FBXO47: variants seen among roughly 807,000 people sequenced by gnomAD.
The protein encoded by FBXO47 is F-box only protein 47.
FBXO47 carries 34 observed loss-of-function variants against 53.9 expected under a neutral mutation model. That is an observed-to-expected ratio of 0.63 (90% CI 0.48 to 0.84). The LOEUF (loss-of-function observed/expected upper bound fraction) is 0.84. FBXO47 is among the 40% of genes least tolerant of loss of function. The pLI, the probability that FBXO47 is intolerant of heterozygous loss-of-function variation, is 0.00. For synonymous variants in FBXO47, 165 were observed against 181.6 expected, an observed-to-expected ratio of 0.91 and a Z score of 0.73; for missense variants, 485 against 541.3, an observed-to-expected ratio of 0.90 and a Z score of 1.03.
At chr17:38,948,748 ATATTTATT>A (rs746519643) in intron 6 of FBXO47, among the ~76,000 whole-genome samples, 2 of 151,898 alleles carry the variant, frequency 1.3e-5, no homozygotes, top group Non-Finnish European at 2.9e-5. Context: ...CATCACCTAG[ATATTTATT>A]TATTTATTTT....
At chr17:38,941,620 T>TTATATATA (rs3040090) in intron 9 of FBXO47, among the ~76,000 whole-genome samples, 6,251 of 114,898 alleles carry the variant, frequency 0.054, 225 homozygotes, top group Middle Eastern at 0.1. Context: ...AAATATAATA[T>TTATATATA]TATATATATA....
At chr17:38,955,353 A>G (rs991672873) in intron 4 of FBXO47, among the ~76,000 whole-genome samples, 1 of 148,478 alleles carries the variant, frequency 6.7e-6, no homozygotes, top group East Asian at 2.0e-4. Context: ...GTGCCATGGC[A>G]CTCCAGCCTG....
In FBXO47 at chr17:38,959,052, G is replaced by A. The variant is rs1905689491; in HGVS notation, c.353-1799C>T. On this transcript the variant is annotated intron_variant, in intron 3 of 10. Transcript: ENST00000378079. ...TGAGTATCTGGGACTACAGGCATGTGTGACTGCATCCAGCCTTATTTTGGT... is the reference window on the plus strand; with the variant it reads ...TGAGTATCTGGGACTACAGGCATGTATGACTGCATCCAGCCTTATTTTGGT... Among the ~76,000 whole-genome samples, 5 of 151,822 alleles carry A rather than the reference G, an allele frequency of 3.3e-5. No individual in the cohort carries two copies. The South Asian group carries it at 1.0e-3, about 32-fold the overall frequency.
In FBXO47 at chr17:38,937,302, A is replaced by G; in HGVS notation, c.1244-12T>C. ...TTCATCACGGTCTCCTATATGCCAT[A>G]CATAGTGGGGAAAAGAAAATGACAG... is the stretch of plus-strand genomic sequence containing the variant. On this transcript the variant is annotated splice_polypyrimidine_tract_variant and intron_variant, in intron 10 of 10. Transcript: ENST00000378079. 1 of 1,179,804 alleles carries G rather than the reference A, an allele frequency of 8.5e-7. No individual in the cohort carries two copies. Among genetic ancestry groups the G allele is most frequent in the Non-Finnish European group, 1.2e-6 (1 of 819,680 alleles). 73.1% of individuals were successfully genotyped at this position (1,179,804 alleles called of 1,614,324 possible).
At position 38,961,806 on chromosome 17, in the gene FBXO47, G is replaced by C. The variant is rs1414718262; in HGVS notation, c.352+71C>G. ...TATTCCATTTCCTACTGGCCTTACA[G>C]AATTGTATACTAAGTTTCTCTTAAT... On this transcript the variant is annotated intron_variant, in intron 3 of 10. Transcript: ENST00000378079. The C allele has an allele frequency of 4.4e-6, 6 of 1,360,122 alleles. No homozygotes were observed. In the East Asian group the frequency reaches 1.2e-4, roughly 26 times the overall value. 84.3% of individuals were successfully genotyped at this position (1,360,122 alleles called of 1,614,324 possible). A position where few individuals can be genotyped will look rare whatever the true frequency, so the allele number is the denominator to read the frequency against.
chr17:38,960,277 A>G (rs377707887), intron 3 of FBXO47, among the ~76,000 whole-genome samples: 1 of 152,148 alleles, frequency 6.6e-6, no homozygotes, highest in Admixed American at 6.5e-5. Flanking sequence ...AAAAAAAAAA[A>G]TAGTGAAAAC....
chr17:38,939,722 CA>C, intron 9 of FBXO47, among the ~76,000 whole-genome samples: 2 of 130,828 alleles, frequency 1.5e-5, no homozygotes, highest in Non-Finnish European at 3.1e-5. Flanking sequence ...CTGCGGACTG[CA>C]GTGGCGCAAT....
At chr17:38,943,861 T>G in intron 7 of FBXO47, 125 bp from the exon 8 acceptor site, 1 of 888,412 alleles carries the variant, frequency 1.1e-6, no homozygotes, top group Non-Finnish European at 1.7e-6. Flanking sequence ...CATTTTAACT[T>G]TTGAAACAAG....
At chr17:38,954,494 A>G (rs1905455066) in intron 5 of FBXO47, among the ~76,000 whole-genome samples, 2 of 152,104 alleles carry the variant, frequency 1.3e-5, no homozygotes, top group Non-Finnish European at 2.9e-5. Context: ...CCAGCCCAAG[A>G]CTAAACTCAT....
chr17:38,955,688 G>A lies in FBXO47; in HGVS notation c.430-755C>T, dbSNP rs142527209. On this transcript the variant is annotated intron_variant, in intron 4 of 10. Coordinates refer to ENST00000378079, the MANE Select transcript of FBXO47 (RefSeq NM_001008777.3). Reference sequence around the variant, plus strand: ...AACCTTTTGCCGGTTTAGTAGAGACGGGGTTTCACGCCTGTAATCCCAGCA... The same window carrying A: ...AACCTTTTGCCGGTTTAGTAGAGACAGGGTTTCACGCCTGTAATCCCAGCA... Among the ~76,000 whole-genome samples, 887 of 151,676 alleles carry A rather than the reference G, an allele frequency of 5.8e-3. 7 individuals are homozygous for A. The highest frequency in any genetic ancestry group is 0.02 in the African/African-American group (809 of 41,406).
chr17:38,963,186 G>A, intron 1 of FBXO47, 135 bp from the exon 2 acceptor site: 1 of 538,614 alleles, frequency 1.9e-6, no homozygotes. Context: ...AAGATTTTTG[G>A]TTTTTTTTTG....
intron 6 of FBXO47, among the ~76,000 whole-genome samples, chr17:38,948,249 G>A (rs138982021): frequency 1.4e-4 from 18 of 125,430 alleles, no homozygotes; most frequent in Admixed American, 1.1e-3. Flanking sequence ...AGTCTTGCTC[G>A]TCACCCAGGC....
At chr17:38,946,368 A>AT (rs1567716648) in intron 6 of FBXO47, among the ~76,000 whole-genome samples, 6 of 91,630 alleles carry the variant, frequency 6.5e-5, no homozygotes, top group African/African-American at 3.0e-4. Context: ...ATAAATATAT[A>AT]GATATATATA....
rs948966605 is a variant in FBXO47 at position 38,937,064 on chromosome 17, G to C, written c.*111C>G. The C allele has an allele frequency of 8.8e-6, 4 of 456,120 alleles. No individual in the cohort carries two copies. The highest frequency in any genetic ancestry group is 1.6e-5 in the Non-Finnish European group (4 of 253,108). The allele number at this position is 456,120 out of a possible 1,614,324, so 28.3% of individuals were successfully genotyped here. A position where few individuals can be genotyped will look rare whatever the true frequency, so the allele number is the denominator to read the frequency against. On this transcript the variant is annotated 3_prime_UTR_variant, in exon 11 of 11. Transcript: ENST00000378079. ...ATTCTATCCAGCTTTTGAATTCTTA[G>C]GTTACTTAGATGATAAAAAGTCCCA...
intron 2 of FBXO47, among the ~76,000 whole-genome samples, 199 bp downstream of exon 2, chr17:38,962,640 GTAATAA>G (rs1006623184): frequency 1.5e-5 from 2 of 134,460 alleles, no homozygotes; most frequent in South Asian, 2.2e-4. Flanking sequence ...AATAATAATA[GTAATAA>G]TAATAATTAT....
intron 10 of FBXO47, 35 bp from the exon 11 acceptor site, chr17:38,937,325 C>T: frequency 1.2e-6 from 1 of 839,542 alleles, no homozygotes; most frequent in Non-Finnish European, 1.9e-6. Context: ...AAGAAAATGA[C>T]AGTTAAAATG....
intron 6 of FBXO47, among the ~76,000 whole-genome samples, chr17:38,948,207 A>ATTTTTTTTTTTTTTTTTTT (rs869282186): frequency 1.1e-5 from 1 of 89,296 alleles, no homozygotes; most frequent in Non-Finnish European, 2.1e-5. Context: ...CCTATTCTGG[A>ATTTTTTTTTTTTTTTTTTT]TTTTTTTTTT....
In FBXO47 at chr17:38,942,911, C is replaced by T. The variant is rs778451241; in HGVS notation, c.950G>A (p.Arg317His). The part of the protein sequence containing the change: ...SLVDELSVVP[R>H]EWLLENNARL... Reference sequence around the variant, plus strand: ...TGCATTATTCTCTAGAAGCCACTCACGGGGAACCACTTTTATTAGAGGAAG... The same window carrying T: ...TGCATTATTCTCTAGAAGCCACTCATGGGGAACCACTTTTATTAGAGGAAG... The change falls in exon 9 of 11, where the codon CGT (arginine) becomes CAT (histidine). Residue 317 changes from arginine to histidine, a missense_variant. Physicochemically the swap from Arg to His is conservative, Grantham distance 29 (BLOSUM62 0). Coordinates refer to ENST00000378079, the MANE Select transcript of FBXO47 (RefSeq NM_001008777.3). 87 of 1,604,270 alleles carry T rather than the reference C, an allele frequency of 5.4e-5. No individual in the cohort carries two copies. The highest frequency in any genetic ancestry group is 3.3e-4 in the Middle Eastern group (2 of 6,008).
At chr17:38,943,843 G>A in intron 7 of FBXO47, 107 bp from the exon 8 acceptor site, 1 of 963,044 alleles carries the variant, frequency 1.0e-6, no homozygotes, top group Non-Finnish European at 1.6e-6. Flanking sequence ...ACTTATACAA[G>A]CTACTTTCAT....
Sources: gnomAD v4.1 joint callset for allele counts (sites outside exome capture counted in the v4.1 genomes callset) on GRCh38, gnomAD v4.1.1 for gene constraint, MANE v1.5 for transcripts, NCBI Gene and HGNC (gene_info 2026-07-23, HGNC 2026-07-21) for gene names.